TYW1B: variants seen among roughly 807,000 people sequenced by gnomAD.
TYW1B encodes S-adenosyl-L-methionine-dependent tRNA 4-demethylwyosine synthase TYW1B.
A neutral mutation model predicts 86.9 loss-of-function variants in TYW1B; 73 were observed. The observed-to-expected ratio is 0.84, with a 90% CI of 0.70 to 1.02. The LOEUF (loss-of-function observed/expected upper bound fraction) is 1.02, where lower values mean the gene tolerates loss of function less well. TYW1B is among the 50% of genes least tolerant of loss of function. The probability of loss-of-function intolerance (pLI) is 0.00; values close to 1 mark genes in which losing one functional copy is unlikely to be tolerated. For missense variants in TYW1B, 637 were observed against 827.4 expected, an observed-to-expected ratio of 0.77 and a Z score of 2.82; for synonymous variants, 248 against 292.8, an observed-to-expected ratio of 0.85 and a Z score of 1.56.
intron 9 of TYW1B, among the ~76,000 whole-genome samples, chr7:72,721,440 C>T (rs1186118418): frequency 2.9e-4 from 44 of 152,102 alleles, no homozygotes; most frequent in African/African-American, 1.0e-3. Flanking sequence ...ATCACCATTC[C>T]AACTGGTGTG....
Position 72,575,576 on chromosome 7 carries a change from A to C in TYW1B, c.1929T>G (p.Gly643=). The change falls in exon 14 of 14, where the codon GGT becomes GGG. Residue 643 remains glycine (G), a synonymous_variant. Coordinates refer to ENST00000620995, the MANE Select transcript of TYW1B (RefSeq NM_001145440.3). ...MARTPHWALF[G]ANERSFDPKD... ...TGGGATCAAAGCTTCTTTCATTGGC[A>C]CCAAATAATGCCCAGTGAGGAGTTC... The C allele has an allele frequency of 6.2e-7, 1 of 1,613,922 alleles. No homozygotes were observed. Among genetic ancestry groups the C allele is most frequent in the Non-Finnish European group, 8.5e-7 (1 of 1,179,856 alleles).
intron 12 of TYW1B, among the ~76,000 whole-genome samples, chr7:72,626,855 AG>A (rs1363182080): frequency 6.6e-6 from 1 of 151,976 alleles, no homozygotes. Flanking sequence ...ATGCTGCAGC[AG>A]TGGGGTGATC....
At chr7:72,815,082 A>AG (rs1351864854) in intron 3 of TYW1B, among the ~76,000 whole-genome samples, 6 of 111,470 alleles carry the variant, frequency 5.4e-5, no homozygotes, top group African/African-American at 1.9e-4. Context: ...AAAAAAAAAA[A>AG]AAAAAAAAGA....
At position 72,810,563 on chromosome 7, in the gene TYW1B, T is replaced by A. The variant is rs1554477915; in HGVS notation, c.340A>T (p.Ile114Phe). Residue 114 changes from isoleucine to phenylalanine, a missense_variant, in exon 4 of 14, where the codon ATT becomes TTT. Coordinates refer to ENST00000620995, the MANE Select transcript of TYW1B (RefSeq NM_001145440.3). ...TAAGTTTTGCCAAATCGAAAATCAA[T>A]GGATGCTTCCTCTAACCATTTGCAG... ...WFCKWLEEAS[I>F]DFRFGKTYLK... 8.7e-6 allele frequency: 14 copies of A among 1,613,844 alleles called. No individual in the cohort carries two copies. In the South Asian group the frequency reaches 1.5e-4, roughly 18 times the overall value.
intron 11 of TYW1B, among the ~76,000 whole-genome samples, chr7:72,634,024 C>A (rs1812607152): frequency 6.6e-6 from 1 of 152,138 alleles, no homozygotes; most frequent in Non-Finnish European, 1.5e-5. Context: ...CAGTAGAGTG[C>A]ATGGTACTTA....
At chr7:72,685,984 TA>T (rs1393897829) in intron 11 of TYW1B, among the ~76,000 whole-genome samples, 1 of 152,120 alleles carries the variant, frequency 6.6e-6, no homozygotes, top group Non-Finnish European at 1.5e-5. Context: ...CCAAAGACCA[TA>T]ACAGACATCT....
chr7:72,756,232 T>C (rs529548939), intron 7 of TYW1B, among the ~76,000 whole-genome samples: 251 of 150,462 alleles, frequency 1.7e-3, no homozygotes, highest in African/African-American at 5.5e-3. Flanking sequence ...TTTTATTTTA[T>C]TTTATTTTAT....
intron 13 of TYW1B, among the ~76,000 whole-genome samples, chr7:72,596,147 TC>T (rs1811525192): frequency 8.6e-6 from 1 of 116,738 alleles, no homozygotes; most frequent in Non-Finnish European, 1.6e-5. Flanking sequence ...TTGCACTCCA[TC>T]CTGGGCAACA....
chr7:72,645,539 A>C (rs1202942895), intron 11 of TYW1B, among the ~76,000 whole-genome samples: 1 of 152,222 alleles, frequency 6.6e-6, no homozygotes, highest in Non-Finnish European at 1.5e-5. Flanking sequence ...TGCAATGTGA[A>C]TATCCCTCAA....
At chr7:72,794,863 G>A (rs1291593132) in intron 6 of TYW1B, among the ~76,000 whole-genome samples, 2 of 150,336 alleles carry the variant, frequency 1.3e-5, no homozygotes, top group African/African-American at 4.9e-5. Context: ...CCGTCGCCCA[G>A]ACTAGAGTGC....
intron 7 of TYW1B, among the ~76,000 whole-genome samples, chr7:72,747,151 C>T (rs1480541525): frequency 1.5e-4 from 23 of 152,160 alleles, no homozygotes; most frequent in African/African-American, 5.6e-4. Context: ...TGAATTGTAG[C>T]TCCCAGAATT....
intron 11 of TYW1B, among the ~76,000 whole-genome samples, chr7:72,686,133 T>G (rs1410710531): frequency 6.6e-6 from 1 of 152,188 alleles, no homozygotes; most frequent in Non-Finnish European, 1.5e-5. Context: ...GTACAGCCAC[T>G]TTGGAAGACA....
chr7:72,771,920 C>A (rs1329210334), intron 7 of TYW1B, among the ~76,000 whole-genome samples: 1 of 151,584 alleles, frequency 6.6e-6, no homozygotes, highest in Non-Finnish European at 1.5e-5. Flanking sequence ...GATCTCAGCT[C>A]ACTGCAACCT....
chr7:72,667,441 G>C lies in TYW1B; in HGVS notation c.1506+27246C>G, dbSNP rs1340187963. On this transcript the variant is annotated intron_variant, in intron 11 of 13. Coordinates refer to ENST00000620995, the MANE Select transcript of TYW1B (RefSeq NM_001145440.3). ...ATTAAAAACAAAGAGGAGGCCAGGC[G>C]CGGTGGCTCACGCCTGCAATCTCAG... 3.3e-5 allele frequency among the ~76,000 whole-genome samples: 5 copies of C among 152,274 alleles called. No homozygotes were observed. The East Asian group carries it at 9.6e-4, about 29-fold the overall frequency.
chr7:72,709,702 C>G (rs1563067186), intron 10 of TYW1B, among the ~76,000 whole-genome samples: 1 of 152,078 alleles, frequency 6.6e-6, no homozygotes, highest in Non-Finnish European at 1.5e-5. Context: ...AGCGTAACCT[C>G]TATTTCCTAA....
chr7:72,612,475 G>A (rs1172419502), intron 13 of TYW1B, among the ~76,000 whole-genome samples: 1 of 152,150 alleles, frequency 6.6e-6, no homozygotes, highest in Non-Finnish European at 1.5e-5. Flanking sequence ...TAAGTCAATG[G>A]GGAAACTTTG....
intron 11 of TYW1B, among the ~76,000 whole-genome samples, chr7:72,688,525 G>A (rs1286453010): frequency 1.4e-4 from 21 of 152,122 alleles, no homozygotes; most frequent in Non-Finnish European, 2.1e-4. Context: ...TGAGTTGCAT[G>A]GAATTGAACC....
intron 11 of TYW1B, among the ~76,000 whole-genome samples, chr7:72,635,119 C>T (rs868916319): frequency 1.6e-4 from 25 of 152,072 alleles, no homozygotes; most frequent in African/African-American, 5.6e-4. Context: ...CATATTGCCA[C>T]TCACATTTGT....
intron 13 of TYW1B, among the ~76,000 whole-genome samples, chr7:72,603,132 G>GGATA (rs1297696398): frequency 1.4e-5 from 2 of 144,938 alleles, no homozygotes; most frequent in Non-Finnish European, 1.5e-5. Flanking sequence ...ATGGATGGAT[G>GGATA]GATAGATGGA....
Sources: gnomAD v4.1 joint callset for allele counts (sites outside exome capture counted in the v4.1 genomes callset) on GRCh38, gnomAD v4.1.1 for gene constraint, MANE v1.5 for transcripts, NCBI Gene and HGNC (gene_info 2026-07-23, HGNC 2026-07-21) for gene names.